Variants in OR51B5 observed in about 807,000 individuals in gnomAD.
OR51B5 encodes olfactory receptor 51B5.
For synonymous variants in OR51B5, 186 were observed against 144.8 expected (o/e 1.28, Z -2.04); for missense variants, 456 against 374.6 (o/e 1.22, Z -1.79).
intron 1 of OR51B5, chr11:5,423,311 C>A (rs1056935351): frequency 2.4e-6 from 2 of 816,786 alleles, no homozygotes; most frequent in Non-Finnish European, 3.7e-6. Context: ...CTGAGGTGAG[C>A]TAGCAGCAGT....
chr11:5,385,456 G>A (rs1849672990), intron 1 of OR51B5: 1 of 152,066 alleles, frequency 6.6e-6, no homozygotes, highest in Non-Finnish European at 1.5e-5. Context: ...ATCAGGATAA[G>A]AGGTGAGTAC....
intron 1 of OR51B5, among the ~76,000 whole-genome samples, chr11:5,433,350 C>G (rs114573911): frequency 6.6e-6 from 1 of 152,086 alleles, no homozygotes; most frequent in Non-Finnish European, 1.5e-5. Context: ...TTTATAAAAT[C>G]AATTTTTAAA....
intron 1 of OR51B5, among the ~76,000 whole-genome samples, chr11:5,393,552 G>C (rs1373192053): frequency 6.6e-6 from 1 of 152,076 alleles, no homozygotes; most frequent in African/African-American, 2.4e-5. Flanking sequence ...AATCTAAAAA[G>C]AGCATTTTAC....
At chr11:5,395,996 T>TA (rs1849864164) in intron 1 of OR51B5, among the ~76,000 whole-genome samples, 1 of 152,240 alleles carries the variant, frequency 6.6e-6, no homozygotes, top group African/African-American at 2.4e-5. Flanking sequence ...ATGGAGTAGG[T>TA]AGAATTGTCT....
chr11:5,455,777 T>C (rs1464718523), intron 1 of OR51B5: 2 of 152,118 alleles, frequency 1.3e-5, no homozygotes, highest in Non-Finnish European at 2.9e-5. Flanking sequence ...GAGGGAGCTA[T>C]TTTAAAAATG....
intron 1 of OR51B5, among the ~76,000 whole-genome samples, chr11:5,486,774 G>A (rs1851505458): frequency 6.6e-6 from 1 of 152,080 alleles, no homozygotes; most frequent in African/African-American, 2.4e-5. Context: ...TGTTTGCTCT[G>A]TATCTTTTGT....
intron 1 of OR51B5, among the ~76,000 whole-genome samples, chr11:5,402,374 A>G (rs951814818): frequency 6.6e-6 from 1 of 152,212 alleles, no homozygotes; most frequent in Non-Finnish European, 1.5e-5. Context: ...ATAATTTTCT[A>G]TCTGCCTATG....
At chr11:5,463,433 C>A (rs1040602399) in intron 1 of OR51B5, among the ~76,000 whole-genome samples, 1 of 152,196 alleles carries the variant, frequency 6.6e-6, no homozygotes, top group Admixed American at 6.5e-5. Flanking sequence ...TACTGGCTAT[C>A]GGACCACCTT....
At chr11:5,415,009 G>C (rs566443823) in intron 1 of OR51B5, among the ~76,000 whole-genome samples, 1 of 152,074 alleles carries the variant, frequency 6.6e-6, no homozygotes, top group African/African-American at 2.4e-5. Context: ...TTCCAAAATT[G>C]ACCACATAGT....
chr11:5,407,290 G>A (rs1447010812), intron 1 of OR51B5, among the ~76,000 whole-genome samples: 1 of 152,126 alleles, frequency 6.6e-6, no homozygotes, highest in Admixed American at 6.5e-5. Flanking sequence ...TGCCTGTGTG[G>A]TGATGAGTGA....
intron 1 of OR51B5, among the ~76,000 whole-genome samples, chr11:5,486,584 T>C (rs1851503064): frequency 6.6e-6 from 1 of 152,180 alleles, no homozygotes; most frequent in South Asian, 2.1e-4. Context: ...AGCTTCTAAG[T>C]TTGCCTAAGA....
chr11:5,355,361 AAC>A (rs1168344473), intron 1 of OR51B5: 11 of 158,986 alleles, frequency 6.9e-5, no homozygotes, highest in Non-Finnish European at 1.5e-4. Flanking sequence ...CTTTGGTACA[AAC>A]AGTATGAAGT....
intron 1 of OR51B5, among the ~76,000 whole-genome samples, chr11:5,415,816 G>C (rs1311232740): frequency 3.3e-5 from 5 of 152,098 alleles, no homozygotes; most frequent in African/African-American, 4.8e-5. Flanking sequence ...TCCAGAACCA[G>C]ATGGATTCAC....
chr11:5,483,337 T>C (rs1425874797), intron 1 of OR51B5, among the ~76,000 whole-genome samples: 1 of 111,512 alleles, frequency 9.0e-6, no homozygotes, highest in Non-Finnish European at 1.7e-5. Flanking sequence ...AAGGGGAATA[T>C]CACACTCTGG....
chr11:5,430,413 A>G (rs772668904), intron 1 of OR51B5, among the ~76,000 whole-genome samples: 4 of 152,216 alleles, frequency 2.6e-5, no homozygotes, highest in Non-Finnish European at 5.9e-5. Flanking sequence ...CAAAGTCACC[A>G]TATCTGGTTA....
intron 1 of OR51B5, among the ~76,000 whole-genome samples, chr11:5,378,227 A>G (rs1849557282): frequency 6.6e-6 from 1 of 152,106 alleles, no homozygotes; most frequent in African/African-American, 2.4e-5. Context: ...TCCCTATTTA[A>G]TAAATGGTGC....
chr11:5,390,433 T>G (rs1271026577), intron 1 of OR51B5: 1 of 1,443,926 alleles, frequency 6.9e-7, no homozygotes, highest in East Asian at 2.5e-5. Context: ...CAAATTGGAC[T>G]GAAAATTTGG....
intron 1 of OR51B5, among the ~76,000 whole-genome samples, chr11:5,445,077 A>C (rs1405488270): frequency 2.0e-5 from 3 of 152,180 alleles, no homozygotes; most frequent in African/African-American, 7.2e-5. Context: ...GCAATTGCCC[A>C]GTGCTCTAGT....
chr11:5,385,406 G>A (rs1189620830), intron 1 of OR51B5: 1 of 152,090 alleles, frequency 6.6e-6, no homozygotes, highest in Non-Finnish European at 1.5e-5. Flanking sequence ...CTCTGAAGTT[G>A]GTGAACACAG....
Sources: gnomAD v4.1 joint callset for allele counts (sites outside exome capture counted in the v4.1 genomes callset) on GRCh38, gnomAD v4.1.1 for gene constraint, MANE v1.5 for transcripts, NCBI Gene and HGNC (gene_info 2026-07-23, HGNC 2026-07-21) for gene names.